Variants in ZDHHC11 observed in about 807,000 individuals in gnomAD.
ZDHHC11 encodes zDHHC palmitoyltransferase 11, also known as palmitoyltransferase ZDHHC11.
ZDHHC11 carries 44 observed loss-of-function variants against 51.3 expected under a neutral mutation model. The observed-to-expected ratio is 0.86, with a 90% CI of 0.67 to 1.10. The LOEUF (loss-of-function observed/expected upper bound fraction) is 1.10, where lower values mean the gene tolerates loss of function less well. ZDHHC11 is among the 50% of genes least tolerant of loss of function. ZDHHC11 has a pLI of 0.00. For synonymous variants in ZDHHC11, 163 were observed against 222.0 expected (o/e 0.73, Z 2.36); for missense variants, 400 against 537.7 (o/e 0.74, Z 2.53).
intron 7 of ZDHHC11, among the ~76,000 whole-genome samples, chr5:828,007 T>G (rs1742522275): frequency 6.6e-6 from 1 of 151,220 alleles, no homozygotes; most frequent in Admixed American, 6.6e-5. Context: ...CTTAATCCAT[T>G]TAACCCTGAG....
chr5:844,743 C>T (rs1745842994), intron 3 of ZDHHC11, among the ~76,000 whole-genome samples: 1 of 152,306 alleles, frequency 6.6e-6, no homozygotes, highest in African/African-American at 2.4e-5. Flanking sequence ...GGCTGCAGTC[C>T]CCCCTTCTCC....
Position 840,654 on chromosome 5 carries a change from G to A in ZDHHC11, c.629-4C>T, listed in dbSNP as rs1373833066. 6.2e-7 allele frequency: 1 copy of A among 1,613,516 alleles called. No homozygotes were observed. The highest frequency in any genetic ancestry group is 1.7e-5 in the Admixed American group (1 of 60,004). ...CACGTGTTCATATTCTTGACATCTG[G>A]GGAGACAAGGGAGAGCCACTGTGTC... On this transcript the variant is annotated splice_polypyrimidine_tract_variant and splice_region_variant and intron_variant, in intron 4 of 12. Coordinates refer to ENST00000283441, the MANE Select transcript of ZDHHC11 (RefSeq NM_024786.3).
chr5:853,026 G>GC (rs1579830738), upstream of ZDHHC11, among the ~76,000 whole-genome samples: 9 of 145,626 alleles, frequency 6.2e-5, no homozygotes, highest in South Asian at 2.3e-4. Context: ...AGGACAGCGA[G>GC]CAGCGGGCAC....
chr5:844,349 A>G (rs1745751275), intron 3 of ZDHHC11, among the ~76,000 whole-genome samples: 1 of 152,294 alleles, frequency 6.6e-6, no homozygotes, highest in Non-Finnish European at 1.5e-5. Flanking sequence ...AGGAGGGGGA[A>G]CCAGCCCTTT....
At chr5:803,143 G>C (rs2150286903) in intron 11 of ZDHHC11, among the ~76,000 whole-genome samples, 1 of 151,444 alleles carries the variant, frequency 6.6e-6, no homozygotes. Context: ...TACATTCTTG[G>C]AGCAGCTGGC....
chr5:819,576 G>C lies in ZDHHC11; in HGVS notation c.1095C>G (p.Arg365=), dbSNP rs774153679. 5 of 1,610,004 alleles carry C rather than the reference G, an allele frequency of 3.1e-6. No homozygotes were observed. The African/African-American group carries it at 4.0e-5, about 13-fold the overall frequency. ...KARNSRLICR[R]LCQFSTRVHP... Reference sequence around the variant, plus strand: ...GTACACGAGTGGAGAACTGACACAGGCGCCTGCAAATCAGCCGGGAGTTCC... The same window carrying C: ...GTACACGAGTGGAGAACTGACACAGCCGCCTGCAAATCAGCCGGGAGTTCC... The change falls in exon 10 of 13, where the codon CGC becomes CGG. Residue 365 remains arginine (R), a synonymous_variant. Transcript: ENST00000283441.
rs1745551899 is a variant in ZDHHC11, at chr5:843,864, ATGCGGGG to A, written c.504-147_504-141del. The A allele has an allele frequency of 1.4e-5, 5 of 351,222 alleles. No homozygotes were observed. The South Asian group carries it at 1.6e-4, about 11-fold the overall frequency. 21.8% of individuals were successfully genotyped at this position (351,222 alleles called of 1,614,324 possible). A position where few individuals can be genotyped will look rare whatever the true frequency, so the allele number is the denominator to read the frequency against. Reference sequence around the variant, plus strand: ...GCGTGGGGGGCACAGCGGCAGGGGCATGCGGGGCATGTGGGACAGGTGTGGGGGCGGG... The same window carrying A: ...GCGTGGGGGGCACAGCGGCAGGGGCACATGTGGGACAGGTGTGGGGGCGGG... On this transcript the variant is annotated intron_variant, in intron 3 of 12. Coordinates refer to ENST00000283441, the MANE Select transcript of ZDHHC11 (RefSeq NM_024786.3).
chr5:819,872 C>T (rs887273061), intron 9 of ZDHHC11, among the ~76,000 whole-genome samples: 12 of 151,262 alleles, frequency 7.9e-5, no homozygotes, highest in African/African-American at 7.3e-5. Flanking sequence ...CTGAAGTCTG[C>T]GAGCCCCACC....
At chr5:855,577 G>GA (rs1203623930), upstream of ZDHHC11, among the ~76,000 whole-genome samples, 1 of 143,872 alleles carries the variant, frequency 7.0e-6, no homozygotes, top group African/African-American at 2.6e-5. Flanking sequence ...AAGCCGGGGG[G>GA]ACAGACCGCA....
chr5:837,427 T>C lies in ZDHHC11; in HGVS notation c.838A>G (p.Ser280Gly), dbSNP rs780262355. The C allele has an allele frequency of 6.8e-6, 11 of 1,612,934 alleles. No individual in the cohort carries two copies. Among genetic ancestry groups the C allele is most frequent in the Non-Finnish European group, 6.8e-6 (8 of 1,179,186 alleles). ...EYLINNRKEESSKHQAVRKDP... is the reference protein window; with the variant it reads ...EYLINNRKEEGSKHQAVRKDP... ...TTCCTCACTGCTTGATGTTTTGAACTCTCTTCTTTGCGGTTATTAATGAGA... is the reference window on the plus strand; with the variant it reads ...TTCCTCACTGCTTGATGTTTTGAACCCTCTTCTTTGCGGTTATTAATGAGA... Residue 280 changes from serine (S) to glycine (G), a missense_variant, in exon 6 of 13, where the codon AGT (serine) becomes GGT (glycine). By Grantham distance (56) the Ser-to-Gly change is moderately conservative. Around this residue, in one of 5 missense-constraint regions of ZDHHC11, gnomAD observed 231 missense variants for 227.4 expected, o/e 1.02. Transcript: ENST00000283441.
chr5:818,401 C>T (rs578054152), intron 10 of ZDHHC11, among the ~76,000 whole-genome samples: 5 of 151,710 alleles, frequency 3.3e-5, no homozygotes, highest in South Asian at 2.1e-4. Flanking sequence ...TGGACGCCAG[C>T]GTCGCTGTTC....
chr5:837,930 A>G (rs977650047), intron 5 of ZDHHC11, among the ~76,000 whole-genome samples: 1 of 151,938 alleles, frequency 6.6e-6, no homozygotes, highest in African/African-American at 2.4e-5. Flanking sequence ...GGTTCCCCAC[A>G]TCTGGACACT....
chr5:820,564 G>C (rs1028496185), intron 9 of ZDHHC11, among the ~76,000 whole-genome samples: 2 of 151,222 alleles, frequency 1.3e-5, no homozygotes, highest in African/African-American at 4.9e-5. Context: ...TGAGGGGTGG[G>C]GCTGGTGCAC....
At chr5:809,145 C>G (rs1435749170) in intron 11 of ZDHHC11, among the ~76,000 whole-genome samples, 4 of 145,384 alleles carry the variant, frequency 2.8e-5, no homozygotes, top group Admixed American at 7.0e-5. Flanking sequence ...AACCCAGCAC[C>G]TGGAAGCGAC....
intron 10 of ZDHHC11, among the ~76,000 whole-genome samples, 162 bp downstream of exon 10, chr5:819,363 C>T (rs1362200078): frequency 6.6e-6 from 1 of 151,622 alleles, no homozygotes; most frequent in Non-Finnish European, 1.5e-5. Flanking sequence ...CACTCCATCT[C>T]TCTTCTGTGC....
intron 7 of ZDHHC11, among the ~76,000 whole-genome samples, chr5:828,730 C>G (rs1239445451): frequency 6.7e-6 from 1 of 150,192 alleles, no homozygotes; most frequent in Non-Finnish European, 1.5e-5. Context: ...GAAAATTCTC[C>G]AAGATACATC....
At chr5:847,054 G>A (rs1240675458) in intron 3 of ZDHHC11, among the ~76,000 whole-genome samples, 44 of 137,736 alleles carry the variant, frequency 3.2e-4, no homozygotes, top group African/African-American at 1.1e-3. Flanking sequence ...AACACCTCTC[G>A]TCTATGAGCC....
chr5:838,448 A>G (rs571418360), intron 5 of ZDHHC11, among the ~76,000 whole-genome samples: 93 of 152,156 alleles, frequency 6.1e-4, no homozygotes, highest in African/African-American at 2.1e-3. Context: ...GCCTATTTGC[A>G]GTGAGGAGCA....
At position 795,740 on chromosome 5, in the gene ZDHHC11, CTAAGA is replaced by C. The variant is rs1737473774; in HGVS notation, c.*843_*847del. 1 of 154,408 alleles carries C rather than the reference CTAAGA, an allele frequency of 6.5e-6. No homozygotes were observed. Among genetic ancestry groups the C allele is most frequent in the South Asian group, 2.0e-4 (1 of 4,886 alleles). The allele number at this position is 154,408 out of a possible 1,614,324, so 9.6% of individuals were successfully genotyped here. A position where few individuals can be genotyped will look rare whatever the true frequency, so the allele number is the denominator to read the frequency against. On this transcript the variant is annotated 3_prime_UTR_variant, in exon 13 of 13. Coordinates refer to ENST00000283441, the MANE Select transcript of ZDHHC11 (RefSeq NM_024786.3). ...CTCTGGTATTGACTCTTTTTGTCTA[CTAAGA>C]TAAGAAGTCTGGGCTAGGCTGAAAA...
Sources: gnomAD v4.1 joint callset for allele counts (sites outside exome capture counted in the v4.1 genomes callset) on GRCh38, gnomAD v4.1.1 for gene constraint, gnomAD v4.1.1 regional missense constraint, MANE v1.5 for transcripts, NCBI Gene and HGNC (gene_info 2026-07-23, HGNC 2026-07-21) for gene names.